Variants in TMEM131L observed in about 807,000 individuals in gnomAD.
TMEM131L encodes the protein transmembrane protein 131-like.
TMEM131L carries 54 observed loss-of-function variants against 192.2 expected under a neutral mutation model. The ratio of observed to expected loss-of-function variants is 0.28; its 90% CI spans 0.23 to 0.35. The LOEUF (loss-of-function observed/expected upper bound fraction) is 0.35. TMEM131L is among the 10% of genes least tolerant of loss of function. TMEM131L has a pLI of 1.00. For missense variants in TMEM131L, 1,888 were observed against 1,972.9 expected, an observed-to-expected ratio of 0.96 and a Z score of 0.82; for synonymous variants, 701 against 704.9, an observed-to-expected ratio of 0.99 and a Z score of 0.09.
chr4:153,609,260 T>G (rs2126530121), intron 25 of TMEM131L, among the ~76,000 whole-genome samples: 1 of 152,280 alleles, frequency 6.6e-6, no homozygotes, highest in Non-Finnish European at 1.5e-5. Context: ...AGCAAGCACG[T>G]CTTGCATGGT....
chr4:153,528,177 C>T (rs189829463), intron 3 of TMEM131L, among the ~76,000 whole-genome samples: 5 of 152,280 alleles, frequency 3.3e-5, no homozygotes, highest in Middle Eastern at 3.4e-3. Flanking sequence ...AAACAGGTTA[C>T]AGCTTGCCTC....
Position 153,473,892 on chromosome 4 carries a change from A to C in TMEM131L, c.239+4A>C. ...AGGAGCCTTCTCAAGAACAGAGGTA[A>C]GGAAAAAATGGGGGTGGAAACCTGC... On this transcript the variant is annotated splice_donor_region_variant and intron_variant, in intron 3 of 34. Transcript: ENST00000409959. 1 of 1,544,494 alleles carries C rather than the reference A, an allele frequency of 6.5e-7. No homozygotes were observed. The highest frequency in any genetic ancestry group is 1.2e-5 in the South Asian group (1 of 82,332).
chr4:153,604,633 A>G (rs2126413719), intron 25 of TMEM131L, among the ~76,000 whole-genome samples: 1 of 152,356 alleles, frequency 6.6e-6, no homozygotes, highest in South Asian at 2.1e-4. Context: ...TTTAAATTTT[A>G]GTACATAAGT....
rs199684094 is a variant in TMEM131L at position 153,593,596 on chromosome 4, G to T, written c.1923-203G>T. 7.2e-5 allele frequency among the ~76,000 whole-genome samples: 11 copies of T among 152,220 alleles called. No homozygotes were observed. In the East Asian group the frequency reaches 2.1e-3, roughly 29 times the overall value. On this transcript the variant is annotated intron_variant, in intron 18 of 34. Coordinates refer to ENST00000409959, the MANE Select transcript of TMEM131L (RefSeq NM_001131007.2). The stretch of plus-strand genomic sequence containing the variant: ...TTTATTGATCATTGACAATATGGCA[G>T]ATATGGGTGTGGGAATGTGGGGTGG...
At chr4:153,471,954 G>A (rs1349636734) in intron 2 of TMEM131L, among the ~76,000 whole-genome samples, 1 of 152,290 alleles carries the variant, frequency 6.6e-6, no homozygotes, top group Non-Finnish European at 1.5e-5. Flanking sequence ...GATACACAGA[G>A]TTTTTGTTAT....
intron 25 of TMEM131L, among the ~76,000 whole-genome samples, chr4:153,605,650 C>T (rs1174291263): frequency 6.6e-6 from 1 of 152,238 alleles, no homozygotes; most frequent in African/African-American, 2.4e-5. Flanking sequence ...CCACTGCTCC[C>T]AGCCTATGGT....
At position 153,545,051 on chromosome 4, in the gene TMEM131L, T is replaced by C. The variant is rs962756247; in HGVS notation, c.240-5022T>C. 1.2e-4 allele frequency among the ~76,000 whole-genome samples: 19 copies of C among 152,340 alleles called. No homozygotes were observed. In the East Asian group the frequency reaches 1.9e-3, roughly 15 times the overall value. On this transcript the variant is annotated intron_variant, in intron 3 of 34. Coordinates refer to ENST00000409959, the MANE Select transcript of TMEM131L (RefSeq NM_001131007.2). ...CAACTCATTTCCATGTCTAAGTTAC[T>C]GGACTCATTTTTTAAAGTGTGTCTG...
At chr4:153,585,826 CTG>C (rs1730666240) in intron 13 of TMEM131L, among the ~76,000 whole-genome samples, 1 of 151,962 alleles carries the variant, frequency 6.6e-6, no homozygotes, top group African/African-American at 2.4e-5. Flanking sequence ...TTTTAAAAAA[CTG>C]TTTTTAAAAG....
chr4:153,596,144 A>C, intron 19 of TMEM131L, 114 bp from the exon 20 acceptor site: 1 of 1,259,952 alleles, frequency 7.9e-7, no homozygotes, highest in African/African-American at 1.5e-5. Flanking sequence ...GATTAGGAGG[A>C]TCAAATCTGG....
In TMEM131L at chr4:153,636,635, A is replaced by C. The variant is rs1045539355; in HGVS notation, c.*59A>C. 1.4e-4 allele frequency: 215 copies of C among 1,516,968 alleles called. No individual in the cohort carries two copies. The Middle Eastern group carries it at 1.9e-3, about 14-fold the overall frequency. 94.0% of individuals were successfully genotyped at this position (1,516,968 alleles called of 1,614,324 possible). ...AGGCTTGTGTTTTGATTACTAGTGT[A>C]AACTGGTTATTGAGATAGATTATGA... On this transcript the variant is annotated 3_prime_UTR_variant, in exon 35 of 35. Transcript: ENST00000409959.
chr4:153,587,289 A>G (rs1730762509), intron 14 of TMEM131L, among the ~76,000 whole-genome samples: 1 of 151,996 alleles, frequency 6.6e-6, no homozygotes. Context: ...AGGAGTTGTT[A>G]TAGATTGGCA....
intron 2 of TMEM131L, among the ~76,000 whole-genome samples, chr4:153,472,730 A>G (rs148213775): frequency 9.3e-4 from 141 of 152,270 alleles, no homozygotes; most frequent in African/African-American, 3.2e-3. Flanking sequence ...TGAAAGGGCA[A>G]TATTTGAGCC....
At chr4:153,557,128 C>T (rs1180645115) in intron 6 of TMEM131L, 46 bp downstream of exon 6, 1 of 844,122 alleles carries the variant, frequency 1.2e-6, no homozygotes, top group African/African-American at 1.7e-5. Context: ...GGTGACTTAA[C>T]TGTAGGGGTG....
At chr4:153,596,154 G>T in intron 19 of TMEM131L, 104 bp from the exon 20 acceptor site, 1 of 1,330,160 alleles carries the variant, frequency 7.5e-7, no homozygotes. Context: ...ATCAAATCTG[G>T]ACATTAAAAG....
At chr4:153,511,460 A>C (rs57530313) in intron 3 of TMEM131L, among the ~76,000 whole-genome samples, 24,893 of 152,088 alleles carry the variant, frequency 0.16, 3,282 homozygotes, top group African/African-American at 0.35. Context: ...GAACAACAGG[A>C]ATGGGGCCTA....
chr4:153,620,884 C>T lies in TMEM131L; in HGVS notation c.3692+4C>T, dbSNP rs367691555. ...GGGGTGTTGCTCCAGTCTCAAGGTG[C>T]GTAATTCTTACTATCTCTAATATTT... On this transcript the variant is annotated splice_donor_region_variant and intron_variant, in intron 27 of 34. Coordinates refer to ENST00000409959, the MANE Select transcript of TMEM131L (RefSeq NM_001131007.2). 1.6e-5 allele frequency: 25 copies of T among 1,573,770 alleles called. No homozygotes were observed. The highest frequency in any genetic ancestry group is 1.4e-4 in the African/African-American group (10 of 72,038).
chr4:153,572,312 G>A (rs542249763), intron 7 of TMEM131L, among the ~76,000 whole-genome samples: 1 of 152,024 alleles, frequency 6.6e-6, no homozygotes, highest in Non-Finnish European at 1.5e-5. Context: ...ACCCAGCAAG[G>A]TTTGGTTATT....
intron 34 of TMEM131L, 30 bp downstream of exon 34, chr4:153,635,601 C>G (rs775863941): frequency 3.7e-6 from 6 of 1,612,170 alleles, no homozygotes; most frequent in Non-Finnish European, 5.1e-6. Flanking sequence ...TGCCGTGAAC[C>G]CCTGGGCAGC....
chr4:153,586,483 C>T (rs193026895), intron 14 of TMEM131L, 104 bp downstream of exon 14: 3 of 782,860 alleles, frequency 3.8e-6, no homozygotes, highest in African/African-American at 1.8e-5. Flanking sequence ...AGCTCACGTT[C>T]TTTAAGGCTA....
Sources: gnomAD v4.1 joint callset for allele counts (sites outside exome capture counted in the v4.1 genomes callset) on GRCh38, gnomAD v4.1.1 for gene constraint, MANE v1.5 for transcripts, NCBI Gene and HGNC (gene_info 2026-07-23, HGNC 2026-07-21) for gene names.